CPED1: variants seen among roughly 807,000 people sequenced by gnomAD.
CPED1 encodes the protein cadherin-like and PC-esterase domain-containing protein 1.
A neutral mutation model predicts 128.2 loss-of-function variants in CPED1; 114 were observed. The observed-to-expected ratio is 0.89, with a 90% CI of 0.76 to 1.04. The LOEUF is 1.04. Among genes scored for constraint, CPED1 ranks in the 50% least tolerant of loss-of-function variants. The pLI is 0.00. For synonymous variants in CPED1, 462 were observed against 426.7 expected (o/e 1.08, Z -1.02); for missense variants, 1,211 against 1,207.1 (o/e 1.00, Z -0.05).
At chr7:121,104,337 T>C (rs1794919796) in intron 7 of CPED1, among the ~76,000 whole-genome samples, 1 of 152,284 alleles carries the variant, frequency 6.6e-6, no homozygotes, top group South Asian at 2.1e-4. Context: ...TGCATCTATG[T>C]CTGTCTTAAA....
chr7:121,170,429 T>A (rs1796626311), intron 16 of CPED1, among the ~76,000 whole-genome samples: 1 of 152,074 alleles, frequency 6.6e-6, no homozygotes, highest in South Asian at 2.1e-4. Context: ...AAATTTAGGG[T>A]CTTTTGATTC....
intron 16 of CPED1, among the ~76,000 whole-genome samples, chr7:121,160,272 A>G (rs1325653217): frequency 6.6e-6 from 1 of 152,174 alleles, no homozygotes; most frequent in Admixed American, 6.6e-5. Context: ...AATAGTGTTG[A>G]TATCCCTGTG....
Position 121,127,992 on chromosome 7 carries a change from G to T in CPED1, c.1303-390G>T, listed in dbSNP as rs140958300. 3.0e-3 allele frequency among the ~76,000 whole-genome samples: 450 copies of T among 152,238 alleles called. 2 individuals are homozygous for T. The highest frequency in any genetic ancestry group is 0.012 in the South Asian group (60 of 4,830). On this transcript the variant is annotated intron_variant, in intron 10 of 22. Coordinates refer to ENST00000310396, the MANE Select transcript of CPED1 (RefSeq NM_024913.5). ...GAGGCAGTCTAGAATAGCAGTGAGT[G>T]CTCCAGATTGACGTCAGAGGACTTG... is the stretch of plus-strand genomic sequence containing the variant.
rs116227728 is a variant in CPED1, at chr7:121,109,913, C to T, written c.918+9819C>T. ...ATGTGATTTTACAACATGAATAGGA[C>T]GATGATTACATCCTTTCAGGCTGAG... On this transcript the variant is annotated intron_variant, in intron 7 of 22. Coordinates refer to ENST00000310396, the MANE Select transcript of CPED1 (RefSeq NM_024913.5). 2.9e-3 allele frequency among the ~76,000 whole-genome samples: 448 copies of T among 152,186 alleles called. 3 individuals carry two copies. The highest frequency in any genetic ancestry group is 0.01 in the African/African-American group (424 of 41,518).
intron 16 of CPED1, among the ~76,000 whole-genome samples, chr7:121,188,713 G>A (rs1797058920): frequency 6.6e-6 from 1 of 151,986 alleles, no homozygotes; most frequent in African/African-American, 2.4e-5. Context: ...AGGAGAGTGT[G>A]GCATGGCAAA....
intron 7 of CPED1, among the ~76,000 whole-genome samples, chr7:121,120,618 A>G (rs1294174278): frequency 6.6e-6 from 1 of 152,194 alleles, no homozygotes; most frequent in East Asian, 1.9e-4. Context: ...CATTACTTTG[A>G]AAAACCCTAA....
chr7:120,997,785 G>A (rs1392377748), intron 2 of CPED1, among the ~76,000 whole-genome samples: 1 of 151,968 alleles, frequency 6.6e-6, no homozygotes, highest in Non-Finnish European at 1.5e-5. Context: ...AGCTGGGCAT[G>A]GTGGCGGGCA....
chr7:121,142,858 A>T (rs1443977468), intron 16 of CPED1, among the ~76,000 whole-genome samples: 2 of 152,024 alleles, frequency 1.3e-5, no homozygotes, highest in Non-Finnish European at 2.9e-5. Flanking sequence ...TCACATATCT[A>T]TTAATTCACT....
intron 16 of CPED1, among the ~76,000 whole-genome samples, chr7:121,170,007 T>C (rs1796615342): frequency 6.6e-6 from 1 of 152,210 alleles, no homozygotes; most frequent in Non-Finnish European, 1.5e-5. Context: ...TTCCCTATTT[T>C]ACATGGACTA....
At chr7:121,124,091 G>T (rs1362896475) in intron 7 of CPED1, among the ~76,000 whole-genome samples, 1 of 152,118 alleles carries the variant, frequency 6.6e-6, no homozygotes, top group African/African-American at 2.4e-5. Flanking sequence ...TAGATGCTGT[G>T]AAATGAGGAA....
chr7:121,110,281 G>A (rs1242253867), intron 7 of CPED1, among the ~76,000 whole-genome samples: 3 of 152,150 alleles, frequency 2.0e-5, no homozygotes, highest in African/African-American at 7.2e-5. Flanking sequence ...ACAAGGCAAA[G>A]TCCCTGCCTT....
intron 18 of CPED1, chr7:121,261,860 T>C (rs1427120582): frequency 2.7e-6 from 2 of 745,836 alleles, no homozygotes; most frequent in African/African-American, 1.8e-5. Flanking sequence ...ACAGGGACTA[T>C]GCAACCAAGA....
chr7:121,233,590 A>T (rs1293363001), intron 16 of CPED1, among the ~76,000 whole-genome samples: 1 of 152,008 alleles, frequency 6.6e-6, no homozygotes, highest in Non-Finnish European at 1.5e-5. Context: ...TTAGTAACTG[A>T]TGTATTCAAT....
intron 5 of CPED1, among the ~76,000 whole-genome samples, chr7:121,075,894 T>G (rs1433303926): frequency 6.6e-6 from 1 of 152,158 alleles, no homozygotes; most frequent in Non-Finnish European, 1.5e-5. Flanking sequence ...TTTCCAAAAT[T>G]TTTCCCAATA....
rs375320870 is a variant in CPED1, at chr7:121,295,688, C to T, written c.*36C>T. 7.2e-5 allele frequency: 113 copies of T among 1,576,992 alleles called. No individual in the cohort carries two copies. Among genetic ancestry groups the T allele is most frequent in the Admixed American group, 3.4e-4 (20 of 59,604 alleles). On this transcript the variant is annotated 3_prime_UTR_variant, in exon 23 of 23. Transcript: ENST00000310396. ...GGAGAGCTGAATCTGGAGCTGGAGA[C>T]GAGCTAGTCACCCGGACAATGGTCT...
intron 5 of CPED1, among the ~76,000 whole-genome samples, chr7:121,096,365 T>TA (rs1444343554): frequency 6.6e-6 from 1 of 152,118 alleles, no homozygotes; most frequent in Non-Finnish European, 1.5e-5. Flanking sequence ...AGGGGAAAAA[T>TA]AATTTAAAGG....
chr7:121,160,451 C>G (rs1015657714), intron 16 of CPED1, among the ~76,000 whole-genome samples: 3 of 152,148 alleles, frequency 2.0e-5, no homozygotes, highest in East Asian at 1.9e-4. Flanking sequence ...CTATGTCCCC[C>G]CAACCTGCTC....
At chr7:121,008,036 G>A (rs1414240575) in intron 2 of CPED1, among the ~76,000 whole-genome samples, 1 of 151,732 alleles carries the variant, frequency 6.6e-6, no homozygotes, top group Admixed American at 6.6e-5. Flanking sequence ...ATATGGAAGG[G>A]GTGGCTTGCG....
chr7:121,059,441 C>G (rs1793592322), intron 4 of CPED1, among the ~76,000 whole-genome samples: 3 of 152,074 alleles, frequency 2.0e-5, no homozygotes, highest in African/African-American at 7.2e-5. Context: ...AATTTTTGTT[C>G]AAGTAAAAGC....
Sources: gnomAD v4.1 joint callset for allele counts (sites outside exome capture counted in the v4.1 genomes callset) on GRCh38, gnomAD v4.1.1 for gene constraint, MANE v1.5 for transcripts, NCBI Gene and HGNC (gene_info 2026-07-23, HGNC 2026-07-21) for gene names.